The following ITPR2 variants were observed in gnomAD, a reference collection of about 807,000 sequenced individuals.
ITPR2 encodes the protein inositol 1,4,5-trisphosphate-gated calcium channel ITPR2.
A neutral mutation model predicts 317.1 loss-of-function variants in ITPR2; 207 were observed. The ratio of observed to expected loss-of-function variants is 0.65; its 90% CI spans 0.58 to 0.73. The LOEUF (loss-of-function observed/expected upper bound fraction) is 0.73. Ranked by LOEUF, ITPR2 falls within the 30% of genes least tolerant of loss-of-function variation. The pLI, the probability that ITPR2 is intolerant of heterozygous loss-of-function variation, is 0.00. For missense variants in ITPR2, 2,613 were observed against 3,284.0 expected (o/e 0.80, Z 4.99); for synonymous variants, 1,156 against 1,149.1 (o/e 1.01, Z -0.12).
chr12:26,657,706 C>T lies in ITPR2; in HGVS notation c.2192+1G>A. On this transcript the variant is annotated splice_donor_variant, in intron 18 of 56. Coordinates refer to ENST00000381340, the MANE Select transcript of ITPR2 (RefSeq NM_002223.4). LOFTEE classifies it high-confidence loss of function. ...TTGTAAGATTGTCTATAATACTTAA[C>T]CTGTAATAGGTAAGAACTTCTAAGT... 1 of 1,612,714 alleles carries T rather than the reference C, an allele frequency of 6.2e-7. No homozygotes were observed. The highest frequency in any genetic ancestry group is 2.2e-5 in the East Asian group (1 of 44,862).
At chr12:26,825,225 C>T (rs1950992082) in intron 1 of ITPR2, among the ~76,000 whole-genome samples, 1 of 151,966 alleles carries the variant, frequency 6.6e-6, no homozygotes, top group South Asian at 2.1e-4. Flanking sequence ...AGAGCAAGAC[C>T]CTGTCTCTGA....
At chr12:26,653,347 C>T (rs906293883) in intron 21 of ITPR2, among the ~76,000 whole-genome samples, 1 of 149,062 alleles carries the variant, frequency 6.7e-6, no homozygotes, top group Non-Finnish European at 1.5e-5. Flanking sequence ...CTGGTTCAAG[C>T]AATTCTACCT....
Position 26,486,232 on chromosome 12 carries a change from C to T in ITPR2, c.5683G>A (p.Gly1895Arg). Reference sequence around the variant, plus strand: ...TCCTCAGTGTTTCCCGCTTCTGGTCCTGTGCACATAATGTCTATTTCTGGA... The same window carrying T: ...TCCTCAGTGTTTCCCGCTTCTGGTCTTGTGCACATAATGTCTATTTCTGGA... The part of the protein sequence containing the change: ...MDPEIDIMCT[G>R]PEAGNTEEKS... Residue 1895 changes from glycine to arginine, a missense_variant, in exon 41 of 57, where the codon GGA (glycine) becomes AGA (arginine). Transcript: ENST00000381340. 6.2e-7 allele frequency: 1 copy of T among 1,614,134 alleles called. No individual in the cohort carries two copies.
In ITPR2 at chr12:26,580,845, T is replaced by C. The variant is rs560140985; in HGVS notation, c.4381-690A>G. Reference sequence around the variant, plus strand: ...ACATCTGATGAAATGAGGCAGTAATTGGTCATTTTGCATTTTGCTGTAAAT... The same window carrying C: ...ACATCTGATGAAATGAGGCAGTAATCGGTCATTTTGCATTTTGCTGTAAAT... On this transcript the variant is annotated intron_variant, in intron 32 of 56. Transcript: ENST00000381340. Among the ~76,000 whole-genome samples the C allele has an allele frequency of 1.1e-3, 161 of 152,286 alleles. 2 individuals are homozygous for C. The highest frequency in any genetic ancestry group is 3.8e-3 in the African/African-American group (156 of 41,544).
intron 52 of ITPR2, among the ~76,000 whole-genome samples, chr12:26,407,630 C>G (rs1940395342): frequency 6.6e-6 from 1 of 152,120 alleles, no homozygotes; most frequent in South Asian, 2.1e-4. Flanking sequence ...ATGAAATGAT[C>G]TCAAATTTTG....
intron 30 of ITPR2, among the ~76,000 whole-genome samples, chr12:26,597,455 T>C (rs1426793491): frequency 1.3e-5 from 2 of 152,208 alleles, no homozygotes; most frequent in Non-Finnish European, 2.9e-5. Flanking sequence ...CCTCTACTTT[T>C]TTTTGGGAGA....
rs528423129 is a variant in ITPR2 at position 26,511,909 on chromosome 12, C to T, written c.5074-16649G>A. 2.6e-5 allele frequency among the ~76,000 whole-genome samples: 4 copies of T among 152,322 alleles called. No individual in the cohort carries two copies. In the East Asian group the frequency reaches 5.8e-4, roughly 22 times the overall value. ...GTTTCTTTAGTTCTGTCCTCCTCAA[C>T]GTCTTTCCACACCATCTTACTATTC... On this transcript the variant is annotated intron_variant, in intron 37 of 56. Coordinates refer to ENST00000381340, the MANE Select transcript of ITPR2 (RefSeq NM_002223.4).
chr12:26,579,421 T>A (rs551298906), intron 33 of ITPR2, among the ~76,000 whole-genome samples: 2 of 152,312 alleles, frequency 1.3e-5, no homozygotes, highest in South Asian at 2.1e-4. Context: ...TCCCTGAGTT[T>A]TTTTATGCAT....
At chr12:26,599,025 A>G (rs1945925008) in intron 30 of ITPR2, 120 bp downstream of exon 30, 2 of 844,610 alleles carry the variant, frequency 2.4e-6, no homozygotes, top group Admixed American at 2.2e-5. Flanking sequence ...TTGAGTAGTC[A>G]TGATTAAATT....
intron 2 of ITPR2, among the ~76,000 whole-genome samples, chr12:26,761,349 G>A (rs1949629722): frequency 6.6e-6 from 1 of 152,218 alleles, no homozygotes; most frequent in Non-Finnish European, 1.5e-5. Flanking sequence ...TTCTTAAAAT[G>A]TGCAGACACC....
chr12:26,642,407 G>A (rs1947010596), intron 21 of ITPR2, among the ~76,000 whole-genome samples: 1 of 152,122 alleles, frequency 6.6e-6, no homozygotes, highest in Non-Finnish European at 1.5e-5. Context: ...TATCCCAGGA[G>A]TGGGTTTTTT....
chr12:26,463,751 T>A (rs1942101070), intron 45 of ITPR2, among the ~76,000 whole-genome samples: 1 of 152,108 alleles, frequency 6.6e-6, no homozygotes, highest in Admixed American at 6.5e-5. Context: ...AAATGTATAC[T>A]ATATCACATT....
At chr12:26,395,316 T>A (rs1200809359) in intron 54 of ITPR2, among the ~76,000 whole-genome samples, 1 of 152,072 alleles carries the variant, frequency 6.6e-6, no homozygotes, top group Non-Finnish European at 1.5e-5. Flanking sequence ...AACACTTCAA[T>A]TTGTTGATGA....
At chr12:26,485,846 G>A (rs1289832013) in intron 41 of ITPR2, among the ~76,000 whole-genome samples, 1 of 152,132 alleles carries the variant, frequency 6.6e-6, no homozygotes, top group Non-Finnish European at 1.5e-5. Flanking sequence ...TGCCCACTGA[G>A]GCTAAAAATA....
At chr12:26,534,658 A>C (rs1286369432) in intron 37 of ITPR2, among the ~76,000 whole-genome samples, 7 of 152,238 alleles carry the variant, frequency 4.6e-5, no homozygotes, top group Non-Finnish European at 1.0e-4. Context: ...TTTATGATGT[A>C]AATTTTTAAA....
Position 26,722,399 on chromosome 12 carries a change from T to C in ITPR2, c.523A>G (p.Asn175Asp). 1.2e-6 allele frequency: 2 copies of C among 1,610,140 alleles called. No homozygotes were observed. The highest frequency in any genetic ancestry group is 1.7e-6 in the Non-Finnish European group (2 of 1,178,004). Reference protein sequence around the residue: ...PFWKLRSEGDNIVVGDKVVLM... With the variant: ...PFWKLRSEGDDIVVGDKVVLM... ...CCTCTTAATTGTATATTACATACAT[T>C]GTCACCCTCGCTTCTCAGTTTCCAG... The change falls in exon 5 of 57, where the codon AAT (asparagine) becomes GAT (aspartate). Residue 175 changes from asparagine to aspartate, a missense_variant and splice_region_variant. Physicochemically the swap from Asn to Asp is conservative, Grantham distance 23 (BLOSUM62 1). Coordinates refer to ENST00000381340, the MANE Select transcript of ITPR2 (RefSeq NM_002223.4).
intron 26 of ITPR2, among the ~76,000 whole-genome samples, chr12:26,612,767 T>A (rs1025632521): frequency 1.3e-5 from 2 of 152,214 alleles, no homozygotes; most frequent in Non-Finnish European, 2.9e-5. Context: ...TCTGTCAGAC[T>A]AAATTTTCCA....
At chr12:26,820,731 C>T (rs1217263450) in intron 1 of ITPR2, among the ~76,000 whole-genome samples, 1 of 152,100 alleles carries the variant, frequency 6.6e-6, no homozygotes, top group East Asian at 1.9e-4. Flanking sequence ...AATCCAAATG[C>T]CTATCAACTG....
intron 1 of ITPR2, among the ~76,000 whole-genome samples, chr12:26,796,608 T>C (rs192880522): frequency 8.5e-5 from 13 of 152,336 alleles, no homozygotes; most frequent in African/African-American, 3.1e-4. Flanking sequence ...GACACATATA[T>C]GCTCTACAGA....
Sources: allele counts gnomAD v4.1 joint callset (sites outside exome capture counted in the v4.1 genomes callset), GRCh38; gene constraint gnomAD v4.1.1; transcripts MANE v1.5; gene names NCBI Gene and HGNC (gene_info 2026-07-23, HGNC 2026-07-21).